Variants in ATP6V1B1 observed in about 807,000 individuals in gnomAD.
ATP6V1B1 encodes the protein V-type proton ATPase subunit B, kidney isoform.
ATP6V1B1 carries 41 observed loss-of-function variants against 62.1 expected under a neutral mutation model. The observed-to-expected ratio is 0.66, with a 90% CI of 0.51 to 0.86. The LOEUF (loss-of-function observed/expected upper bound fraction) is 0.86, where lower values mean the gene tolerates loss of function less well. ATP6V1B1 is among the 40% of genes least tolerant of loss of function. The pLI, the probability that ATP6V1B1 is intolerant of heterozygous loss-of-function variation, is 0.00. For synonymous variants in ATP6V1B1, 253 were observed against 273.4 expected (o/e 0.93, Z 0.74); for missense variants, 651 against 697.5 (o/e 0.93, Z 0.75).
intron 3 of ATP6V1B1, 86 bp from the exon 4 acceptor site, chr2:70,958,247 C>T (rs1680492351): frequency 6.3e-7 from 1 of 1,590,632 alleles, no homozygotes; most frequent in South Asian, 1.1e-5. Context: ...GTCTATTTCC[C>T]TGAGAGCACA....
intron 11 of ATP6V1B1, 51 bp from the exon 12 acceptor site, chr2:70,964,387 G>C: frequency 6.3e-7 from 1 of 1,586,168 alleles, no homozygotes; most frequent in Non-Finnish European, 8.7e-7. Flanking sequence ...GGGACAGGGG[G>C]AGCAAAGCTT....
chr2:70,944,918 C>T (rs1299622747), intron 2 of ATP6V1B1, among the ~76,000 whole-genome samples: 3 of 152,138 alleles, frequency 2.0e-5, no homozygotes, highest in Non-Finnish European at 4.4e-5. Context: ...CCGCCCGCCT[C>T]GGCCTCCCAA....
chr2:70,963,540 AC>A lies in ATP6V1B1; in HGVS notation c.1061-29del. The A allele has an allele frequency of 6.2e-7, 1 of 1,606,458 alleles. No individual in the cohort carries two copies. The highest frequency in any genetic ancestry group is 8.5e-7 in the Non-Finnish European group (1 of 1,173,134). On this transcript the variant is annotated intron_variant, in intron 10 of 13. Transcript: ENST00000234396. The surrounding 1 kb of genome is among the most constrained non-coding windows in gnomAD (Gnocchi z 4.3). ...TGAGTGGTTGGAGACCTGGGCCCCC[AC>A]CCACACTGAGGCCAGTGAGTTTTCT...
rs781880491 is a variant in ATP6V1B1 at position 70,959,085 on chromosome 2, G to A, written c.435G>A (p.Leu145=). The part of the protein sequence containing the change: ...KGPVVMAEDF[L]DINGQPINPH... Reference sequence around the variant, plus strand: ...CAGTGGTCATGGCGGAGGACTTTCTGGATATCAATGGTGAGTGACTGGAGG... The same window carrying A: ...CAGTGGTCATGGCGGAGGACTTTCTAGATATCAATGGTGAGTGACTGGAGG... The change falls in exon 5 of 14, where the codon CTG becomes CTA. Residue 145 remains leucine, a synonymous_variant. Coordinates refer to ENST00000234396, the MANE Select transcript of ATP6V1B1 (RefSeq NM_001692.4). This position sits in a 1 kb window ranked among gnomAD's most constrained non-coding sequence, Gnocchi z 4.2. The A allele has an allele frequency of 7.4e-6, 12 of 1,614,128 alleles. 1 individual carries two copies. In the South Asian group the frequency reaches 1.3e-4, roughly 18 times the overall value.
chr2:70,959,948 T>TC lies in ATP6V1B1; in HGVS notation c.456dup (p.Asn153GlnfsTer20). On this transcript the variant is annotated frameshift_variant, in exon 6 of 14. Transcript: ENST00000234396. LOFTEE classifies it high-confidence loss of function. The surrounding 1 kb of genome is among the most constrained non-coding windows in gnomAD (Gnocchi z 4.2). ...GATCGCCCTCTCCCAGGCCAGCCCA[T>TC]CAACCCGCACTCCCGCATCTACCCC... 3 of 1,614,152 alleles carry TC rather than the reference T, an allele frequency of 1.9e-6. No individual in the cohort carries two copies. Among genetic ancestry groups the TC allele is most frequent in the Non-Finnish European group, 2.5e-6 (3 of 1,180,020 alleles).
Position 70,964,989 on chromosome 2 carries a change from G to C in ATP6V1B1, c.1410G>C (p.Ser470=). The C allele has an allele frequency of 6.2e-7, 1 of 1,613,910 alleles. No homozygotes were observed. The highest frequency in any genetic ancestry group is 8.5e-7 in the Non-Finnish European group (1 of 1,180,026). Reference sequence around the variant, plus strand: ...ACGAGAACCGCTCGGTGTTCGAGTCGCTGGACCTGGGCTGGAAGCTGCTGC... The same window carrying C: ...ACGAGAACCGCTCGGTGTTCGAGTCCCTGGACCTGGGCTGGAAGCTGCTGC... ...GPYENRSVFE[S]LDLGWKLLRI... Residue 470 remains serine, a synonymous_variant, in exon 14 of 14, where the codon TCG becomes TCC. Coordinates refer to ENST00000234396, the MANE Select transcript of ATP6V1B1 (RefSeq NM_001692.4).
chr2:70,965,174 G>A lies in ATP6V1B1; in HGVS notation c.*53G>A, dbSNP rs886056275. 3 of 1,593,936 alleles carry A rather than the reference G, an allele frequency of 1.9e-6. No homozygotes were observed. Among genetic ancestry groups the A allele is most frequent in the Non-Finnish European group, 2.5e-6 (3 of 1,176,916 alleles). On this transcript the variant is annotated 3_prime_UTR_variant, in exon 14 of 14. Transcript: ENST00000234396. ...GGCAGGGAACCTACCCTCGGCTCCC[G>A]GGTCTCCCCTCCCTCGCCACCCCAA...
At chr2:70,950,876 C>T (rs1192271329) in intron 2 of ATP6V1B1, among the ~76,000 whole-genome samples, 1 of 148,778 alleles carries the variant, frequency 6.7e-6, no homozygotes. Context: ...TATATTATCT[C>T]ATTTGCTCTA....
chr2:70,953,602 C>T (rs1335005024), intron 2 of ATP6V1B1, among the ~76,000 whole-genome samples: 3 of 152,014 alleles, frequency 2.0e-5, no homozygotes, highest in Non-Finnish European at 2.9e-5. Flanking sequence ...TTATACATTG[C>T]TAGATTGGGT....
At chr2:70,947,486 T>C (rs1354893777) in intron 2 of ATP6V1B1, 1 of 152,214 alleles carries the variant, frequency 6.6e-6, no homozygotes, top group Non-Finnish European at 1.5e-5. Flanking sequence ...ACTCCTGTAG[T>C]CTGTGATTCA....
chr2:70,958,560 G>T, intron 4 of ATP6V1B1, 134 bp downstream of exon 4: 2 of 836,548 alleles, frequency 2.4e-6, no homozygotes, highest in Non-Finnish European at 3.8e-6. Context: ...GGCTCTTTGA[G>T]GTCTGGGGTA....
At chr2:70,943,134 C>A (rs1680044239) in intron 1 of ATP6V1B1, among the ~76,000 whole-genome samples, 2 of 152,098 alleles carry the variant, frequency 1.3e-5, no homozygotes, top group African/African-American at 4.8e-5. Context: ...GTGATGAGAG[C>A]AGAGGCCCCG....
chr2:70,936,161 A>G, intron 1 of ATP6V1B1, 89 bp downstream of exon 1: 3 of 1,394,386 alleles, frequency 2.2e-6, no homozygotes, highest in African/African-American at 1.4e-5. Context: ...CTTGCCTCAG[A>G]AAAGGAGGAG....
rs975013473 is a variant in ATP6V1B1 at position 70,959,557 on chromosome 2, G to A, written c.446-382G>A. 1.9e-4 allele frequency among the ~76,000 whole-genome samples: 29 copies of A among 152,200 alleles called. No individual in the cohort carries two copies. Among genetic ancestry groups the A allele is most frequent in the Non-Finnish European group, 4.3e-4 (29 of 68,036 alleles). On this transcript the variant is annotated intron_variant, in intron 5 of 13. Transcript: ENST00000234396. This position sits in a 1 kb window ranked among gnomAD's most constrained non-coding sequence, Gnocchi z 4.2. ...GCTCAGACAGGAGGCTGAGTCACCC[G>A]CAGGCCCTCTGAACCCTGCACTAGT...
At chr2:70,952,288 C>T (rs879986192) in intron 2 of ATP6V1B1, among the ~76,000 whole-genome samples, 3 of 151,938 alleles carry the variant, frequency 2.0e-5, no homozygotes, top group Admixed American at 6.6e-5. Context: ...ATGGTGAAAC[C>T]CCATCTCTAC....
chr2:70,940,526 C>G (rs561059625), intron 1 of ATP6V1B1: 1 of 985,456 alleles, frequency 1.0e-6, no homozygotes, highest in African/African-American at 1.7e-5. Flanking sequence ...TCCAGACAAT[C>G]TGATCCAAAC....
At chr2:70,955,452 A>G (rs1288051905) in intron 2 of ATP6V1B1, among the ~76,000 whole-genome samples, 4 of 152,222 alleles carry the variant, frequency 2.6e-5, no homozygotes, top group Non-Finnish European at 5.9e-5. Context: ...CACCTCAAAA[A>G]GAAACCTCAT....
rs1680681638 is a variant in ATP6V1B1, at chr2:70,964,817, C to G, written c.1330C>G (p.Leu444Val). The change falls in exon 13 of 14, where the codon CTC (leucine) becomes GTC (valine). Residue 444 changes from leucine to valine, a missense_variant. Leu to Val is a conservative substitution (Grantham distance 32). Coordinates refer to ENST00000234396, the MANE Select transcript of ATP6V1B1 (RefSeq NM_001692.4). ...GGAGGCGCTCACCTCTGAGGACCTG[C>G]TCTACCTGGAATTCCTGCAGAAGTT... ...GEEALTSEDLLYLEFLQKFEK... is the reference protein window; with the variant it reads ...GEEALTSEDLVYLEFLQKFEK... 6.2e-7 allele frequency: 1 copy of G among 1,614,050 alleles called. No individual in the cohort carries two copies. The highest frequency in any genetic ancestry group is 8.5e-7 in the Non-Finnish European group (1 of 1,180,042).
chr2:70,959,985 TCAGACGGG>T lies in ATP6V1B1; in HGVS notation c.495_502del (p.Gln165HisfsTer5). The T allele has an allele frequency of 6.2e-7, 1 of 1,614,208 alleles. No individual in the cohort carries two copies. The highest frequency in any genetic ancestry group is 8.5e-7 in the Non-Finnish European group (1 of 1,180,038). On this transcript the variant is annotated frameshift_variant, in exon 6 of 14. Transcript: ENST00000234396. LOFTEE classifies it high-confidence loss of function. The surrounding 1 kb of genome is among the most constrained non-coding windows in gnomAD (Gnocchi z 4.2). ...CCCGCATCTACCCCGAGGAGATGATTCAGACGGGCATTTCTCCTATTGACGTCATGAAC... is the reference window on the plus strand; with the variant it reads ...CCCGCATCTACCCCGAGGAGATGATTCATTTCTCCTATTGACGTCATGAAC...
Sources: gnomAD v4.1 joint callset for allele counts (sites outside exome capture counted in the v4.1 genomes callset) on GRCh38, gnomAD v4.1.1 for gene constraint, Gnocchi (gnomAD v3.1) non-coding constraint, MANE v1.5 for transcripts, NCBI Gene and HGNC (gene_info 2026-07-23, HGNC 2026-07-21) for gene names.